The following NDUFA10 variants were observed in gnomAD, a reference collection of about 807,000 sequenced individuals.
NDUFA10 encodes NADH dehydrogenase [ubiquinone] 1 alpha subcomplex subunit 10, mitochondrial.
NDUFA10 carries 40 observed loss-of-function variants against 47.8 expected under a neutral mutation model. The observed-to-expected ratio is 0.84, with a 90% CI of 0.65 to 1.09. NDUFA10 has a LOEUF of 1.09. NDUFA10 is among the 50% of genes least tolerant of loss of function. The pLI is 0.00. For synonymous variants in NDUFA10, 183 were observed against 172.2 expected (o/e 1.06, Z -0.49); for missense variants, 413 against 451.1 (o/e 0.92, Z 0.76).
Position 239,904,623 on chromosome 2 carries a change from C to G in NDUFA10, c.295-9309G>C, listed in dbSNP as rs1334273756. ...GCTTTCTTCTTGTTGAGAAGGCGCC[C>G]TAGAGACTGCAGGCCCTGCCCTAGG... On this transcript the variant is annotated intron_variant, in intron 4 of 5. Coordinates refer to the NDUFA10 transcript ENST00000419408. Among the ~76,000 whole-genome samples, 3 of 152,202 alleles carry G rather than the reference C, an allele frequency of 2.0e-5. No homozygotes were observed. The South Asian group carries it at 6.2e-4, about 31-fold the overall frequency.
At chr2:239,930,347 C>T (rs547278954) in intron 4 of NDUFA10, among the ~76,000 whole-genome samples, 2 of 152,244 alleles carry the variant, frequency 1.3e-5, no homozygotes, top group East Asian at 3.9e-4. Flanking sequence ...CTTCACATCC[C>T]CTGCAAATTT....
At chr2:240,022,151 C>T in intron 2 of NDUFA10, 21 bp downstream of exon 2, 2 of 1,592,978 alleles carry the variant, frequency 1.3e-6, no homozygotes, top group Non-Finnish European at 1.7e-6. Context: ...AGGTATCATT[C>T]TGTGTAACAT....
intron 8 of NDUFA10, among the ~76,000 whole-genome samples, chr2:239,998,800 A>T (rs1696588303): frequency 6.6e-6 from 1 of 152,176 alleles, no homozygotes; most frequent in Non-Finnish European, 1.5e-5. Flanking sequence ...TGCTCAATCA[A>T]TGTGTCAGTG....
At chr2:239,905,579 G>A (rs538357089) in intron 4 of NDUFA10, among the ~76,000 whole-genome samples, 3 of 152,192 alleles carry the variant, frequency 2.0e-5, no homozygotes, top group Admixed American at 6.5e-5. Flanking sequence ...ATGCTGCCGC[G>A]TCGGGGGGTT....
chr2:240,007,148 T>C (rs949468936), intron 7 of NDUFA10, among the ~76,000 whole-genome samples, 168 bp downstream of exon 7: 2 of 152,140 alleles, frequency 1.3e-5, no homozygotes. Context: ...ACTCGAAACC[T>C]CATGGCCAGG....
rs1427610073 is a variant in NDUFA10 at position 239,928,357 on chromosome 2, A to G, written c.295-33043T>C. Among the ~76,000 whole-genome samples the G allele has an allele frequency of 6.6e-6, 1 of 152,218 alleles. No individual in the cohort carries two copies. The highest frequency in any genetic ancestry group is 6.5e-5 in the Admixed American group (1 of 15,290). ...ATGACTAAAGAAAAGAAGGCAAAAG[A>G]CAAGATGAAATACAGAGCTGGAAAG... is the stretch of plus-strand genomic sequence containing the variant. On this transcript the variant is annotated intron_variant, in intron 4 of 5. Coordinates refer to the NDUFA10 transcript ENST00000419408. The surrounding 1 kb of genome is among the most constrained non-coding windows in gnomAD (Gnocchi z 4.3).
chr2:239,989,169 G>A (rs920892924), intron 9 of NDUFA10, among the ~76,000 whole-genome samples: 1 of 152,216 alleles, frequency 6.6e-6, no homozygotes, highest in Non-Finnish European at 1.5e-5. Context: ...ATGGTTTTAT[G>A]TGTTTTCCCC....
chr2:239,955,515 C>A (rs1312779613), downstream of NDUFA10, among the ~76,000 whole-genome samples: 1 of 152,172 alleles, frequency 6.6e-6, no homozygotes. Flanking sequence ...GTGGTCCAGA[C>A]CCACTCCCCA....
intron 6 of NDUFA10, among the ~76,000 whole-genome samples, chr2:240,010,093 T>C (rs1697082943): frequency 6.6e-6 from 1 of 152,246 alleles, no homozygotes; most frequent in Non-Finnish European, 1.5e-5. Flanking sequence ...TTGATCTTGG[T>C]CTACAATTCA....
intron 4 of NDUFA10, among the ~76,000 whole-genome samples, chr2:239,921,392 G>A (rs961682680): frequency 1.3e-5 from 2 of 152,098 alleles, no homozygotes; most frequent in Non-Finnish European, 2.9e-5. Context: ...GCAGGTTGCA[G>A]CTACTGGTTT....
chr2:240,008,274 C>T (rs1301837092), intron 6 of NDUFA10, among the ~76,000 whole-genome samples: 3 of 152,120 alleles, frequency 2.0e-5, no homozygotes, highest in East Asian at 1.9e-4. Flanking sequence ...CTTACTGCAA[C>T]GAGATCACTG....
At position 239,984,204 on chromosome 2, in the gene NDUFA10, G is replaced by A. The variant is rs140842954; in HGVS notation, c.999+5870C>T. Reference sequence around the variant, plus strand: ...GTCAAGATCATGCCATTGCACTCCAGCCTGGGCGATAGAGTGACAATCGGT... The same window carrying A: ...GTCAAGATCATGCCATTGCACTCCAACCTGGGCGATAGAGTGACAATCGGT... On this transcript the variant is annotated intron_variant, in intron 9 of 9. Coordinates refer to ENST00000252711, the MANE Select transcript of NDUFA10 (RefSeq NM_004544.4). Among the ~76,000 whole-genome samples, 510 of 150,754 alleles carry A rather than the reference G, an allele frequency of 3.4e-3. 9 individuals are homozygous for A. Among genetic ancestry groups the A allele is most frequent in the African/African-American group, 0.012 (478 of 40,844 alleles).
chr2:239,994,631 C>T (rs973847633), intron 8 of NDUFA10, among the ~76,000 whole-genome samples: 7 of 152,146 alleles, frequency 4.6e-5, no homozygotes, highest in Admixed American at 1.3e-4. Flanking sequence ...CACCCATCCC[C>T]GCCCCAGTCT....
chr2:239,969,345 AT>A (rs1695217042), intron 9 of NDUFA10: 1 of 179,002 alleles, frequency 5.6e-6, no homozygotes, highest in African/African-American at 2.4e-5. Context: ...ACACAATTCT[AT>A]TGGATAAGTG....
At chr2:239,925,029 C>T (rs1282218137) in intron 4 of NDUFA10, among the ~76,000 whole-genome samples, 1 of 151,996 alleles carries the variant, frequency 6.6e-6, no homozygotes, top group Non-Finnish European at 1.5e-5. Flanking sequence ...TTGAAAACTA[C>T]AAAATGTTAA....
intron 4 of NDUFA10, among the ~76,000 whole-genome samples, chr2:239,916,077 CAAA>C (rs1335151989): frequency 7.0e-6 from 1 of 142,394 alleles, no homozygotes; most frequent in Non-Finnish European, 1.5e-5. Context: ...TACTCAGACA[CAAA>C]GATACAGATA....
intron 4 of NDUFA10, among the ~76,000 whole-genome samples, chr2:239,942,850 C>T (rs11890259): frequency 0.028 from 4,315 of 152,268 alleles, 200 homozygotes; most frequent in African/African-American, 0.096. Context: ...TTCCACAAAA[C>T]CTGGCAAAGG....
chr2:239,931,831 C>CTTTTTTTTTTTTTTTTTTTTTT (rs35581568), intron 4 of NDUFA10, among the ~76,000 whole-genome samples: 1 of 90,184 alleles, frequency 1.1e-5, no homozygotes, highest in African/African-American at 4.6e-5. Flanking sequence ...TGCACCTCTG[C>CTTTTTTTTTTTTTTTTTTTTTT]TTTTTTTTTT....
chr2:240,015,534 C>T (rs565759428), intron 4 of NDUFA10, among the ~76,000 whole-genome samples: 1 of 152,358 alleles, frequency 6.6e-6, no homozygotes, highest in East Asian at 1.9e-4. Flanking sequence ...GAAGTATCTA[C>T]TGAGTCAGAT....
Sources: gnomAD v4.1 joint callset for allele counts (sites outside exome capture counted in the v4.1 genomes callset) on GRCh38, gnomAD v4.1.1 for gene constraint, Gnocchi (gnomAD v3.1) non-coding constraint, MANE v1.5 for transcripts, NCBI Gene and HGNC (gene_info 2026-07-23, HGNC 2026-07-21) for gene names.